Variants in GLIS3 observed in about 807,000 individuals in gnomAD.
GLIS3 encodes GLIS family zinc finger 3.
Under a neutral mutation model 78.6 loss-of-function variants are expected in GLIS3, and 53 were observed. That is an observed-to-expected ratio of 0.67 (90% confidence interval 0.54 to 0.85). The LOEUF (loss-of-function observed/expected upper bound fraction) is 0.85. GLIS3 is among the 40% of genes least tolerant of loss of function. The pLI, the probability that GLIS3 is intolerant of heterozygous loss-of-function variation, is 0.00. For synonymous variants in GLIS3, 684 were observed against 509.9 expected (o/e 1.34, Z -4.60); for missense variants, 1,703 against 1,231.1 (o/e 1.38, Z -5.74).
chr9:3,896,787 G>C (rs1822875948), intron 7 of GLIS3, among the ~76,000 whole-genome samples: 1 of 151,530 alleles, frequency 6.6e-6, no homozygotes, highest in Non-Finnish European at 1.5e-5. Context: ...GTGTTCTCAA[G>C]AGTTACGGAA....
chr9:3,960,870 GCCAAA>G (rs1817502200), intron 4 of GLIS3, among the ~76,000 whole-genome samples: 3 of 152,182 alleles, frequency 2.0e-5, no homozygotes. Context: ...CTGATGTTTC[GCCAAA>G]CCAAATTCAA....
intron 4 of GLIS3, chr9:3,975,193 T>C (rs1818676848): frequency 6.6e-6 from 1 of 152,118 alleles, no homozygotes; most frequent in Non-Finnish European, 1.5e-5. Context: ...TCTTGGCTGA[T>C]GGAGACAAGC....
At chr9:4,313,185 G>T (rs538496613) in intron 2 of GLIS3, among the ~76,000 whole-genome samples, 1 of 152,316 alleles carries the variant, frequency 6.6e-6, no homozygotes, top group East Asian at 1.9e-4. Flanking sequence ...CTGGCACATA[G>T]TAGGTGTAGC....
At chr9:4,407,832 G>T in the GLIS3 span, among the ~76,000 whole-genome samples, 1 of 151,964 alleles carries the variant, frequency 6.6e-6, no homozygotes, top group African/African-American at 2.4e-5. Context: ...GAGGCAACCC[G>T]CAGAATGAGA....
chr9:4,327,681 T>C (rs1488584265), intron 2 of GLIS3, among the ~76,000 whole-genome samples: 3 of 152,270 alleles, frequency 2.0e-5, no homozygotes, highest in African/African-American at 7.2e-5. Flanking sequence ...ATCACACAAC[T>C]CCAGGGGGCG....
At chr9:4,243,202 G>A (rs1042300751) in intron 2 of GLIS3, among the ~76,000 whole-genome samples, 10 of 152,174 alleles carry the variant, frequency 6.6e-5, no homozygotes, top group African/African-American at 2.4e-4. Flanking sequence ...AGGGAGCTTA[G>A]CAAGCTCATA....
At chr9:4,433,267 A>C in the GLIS3 span, among the ~76,000 whole-genome samples, 4 of 152,102 alleles carry the variant, frequency 2.6e-5, 1 homozygote, top group Admixed American at 2.6e-4. Flanking sequence ...CCCTGTCTCT[A>C]CTAAAAATAC....
At chr9:3,908,320 C>A (rs1823860141) in intron 6 of GLIS3, among the ~76,000 whole-genome samples, 1 of 152,140 alleles carries the variant, frequency 6.6e-6, no homozygotes, top group Admixed American at 6.5e-5. Context: ...CTAATCTAAC[C>A]CTCAGAAACT....
intron 3 of GLIS3, among the ~76,000 whole-genome samples, chr9:4,119,397 G>A (rs145286978): frequency 6.6e-6 from 1 of 151,876 alleles, no homozygotes; most frequent in East Asian, 1.9e-4. Flanking sequence ...AAAGTCAAAG[G>A]GTTGTCCAGG....
intron 4 of GLIS3, among the ~76,000 whole-genome samples, chr9:4,088,020 A>G (rs917118393): frequency 3.3e-5 from 5 of 152,206 alleles, no homozygotes; most frequent in African/African-American, 9.7e-5. Flanking sequence ...CAACTCCTCA[A>G]TGCCTTTGCC....
chr9:4,048,007 G>A (rs914120267), intron 4 of GLIS3, among the ~76,000 whole-genome samples: 4 of 152,128 alleles, frequency 2.6e-5, no homozygotes, highest in African/African-American at 9.7e-5. Context: ...AGAAGTGTGG[G>A]CAAGACTCAG....
the GLIS3 span, among the ~76,000 whole-genome samples, chr9:4,358,306 A>G: frequency 8.2e-5 from 12 of 146,784 alleles, no homozygotes; most frequent in South Asian, 2.2e-3. Context: ...ACCATGGCCT[A>G]GTATCACTTT....
At chr9:4,086,173 G>A (rs1829007336) in intron 4 of GLIS3, among the ~76,000 whole-genome samples, 1 of 152,118 alleles carries the variant, frequency 6.6e-6, no homozygotes, top group Non-Finnish European at 1.5e-5. Context: ...TGTATTTTCA[G>A]TATTCTATGT....
chr9:4,385,552 C>T, the GLIS3 span, among the ~76,000 whole-genome samples: 1 of 151,330 alleles, frequency 6.6e-6, no homozygotes, highest in Non-Finnish European at 1.5e-5. Flanking sequence ...GTAATCCCAG[C>T]TACTCGGGAG....
At chr9:4,354,372 T>C in the GLIS3 span, among the ~76,000 whole-genome samples, 1 of 152,204 alleles carries the variant, frequency 6.6e-6, no homozygotes, top group Non-Finnish European at 1.5e-5. Flanking sequence ...ATAAGCACCC[T>C]GTTAGCAGGC....
At chr9:3,851,526 C>T (rs1048375957) in intron 9 of GLIS3, among the ~76,000 whole-genome samples, 8 of 152,196 alleles carry the variant, frequency 5.3e-5, no homozygotes, top group African/African-American at 1.7e-4. Context: ...GGTCCTGGGT[C>T]ATTCACTAGG....
At chr9:4,394,363 C>A in the GLIS3 span, among the ~76,000 whole-genome samples, 2 of 149,490 alleles carry the variant, frequency 1.3e-5, no homozygotes, top group African/African-American at 2.5e-5. Context: ...TCTTTAAGCC[C>A]CTAGCTCAAA....
At chr9:4,227,976 C>T (rs1349521909) in intron 2 of GLIS3, among the ~76,000 whole-genome samples, 3 of 152,098 alleles carry the variant, frequency 2.0e-5, no homozygotes, top group Non-Finnish European at 4.4e-5. Context: ...GGGATCAGTA[C>T]ATGTCTAACT....
In GLIS3 at chr9:3,980,234, T is replaced by C. The variant is rs531293857; in HGVS notation, c.1711-43045A>G. Among the ~76,000 whole-genome samples, 121 of 152,360 alleles carry C rather than the reference T, an allele frequency of 7.9e-4. 1 individual carries two copies. The highest frequency in any genetic ancestry group is 1.5e-3 in the Non-Finnish European group (105 of 68,040). ...TTCTAGTGTAAATGGCTTTTTGTGC[T>C]AGGCACTATATAACGTGACTTTAAA... On this transcript the variant is annotated intron_variant, in intron 4 of 10. Coordinates refer to ENST00000381971, the MANE Select transcript of GLIS3 (RefSeq NM_001042413.2).
Sources: gnomAD v4.1 joint callset for allele counts (sites outside exome capture counted in the v4.1 genomes callset) on GRCh38, gnomAD v4.1.1 for gene constraint, MANE v1.5 for transcripts, NCBI Gene and HGNC (gene_info 2026-07-23, HGNC 2026-07-21) for gene names.